Variants in ADAMTS9 observed in about 807,000 individuals in gnomAD.
ADAMTS9 encodes ADAM metallopeptidase with thrombospondin type 1 motif 9.
Under a neutral mutation model 257.1 loss-of-function variants are expected in ADAMTS9, and 107 were observed. The observed-to-expected ratio is 0.42, with a 90% CI of 0.36 to 0.49. ADAMTS9 has a LOEUF of 0.49. Among genes scored for constraint, ADAMTS9 ranks in the 20% least tolerant of loss-of-function variants. The pLI is 0.03. For missense variants in ADAMTS9, 2,353 were observed against 2,469.1 expected, an observed-to-expected ratio of 0.95 and a Z score of 1.00; for synonymous variants, 982 against 880.9, an observed-to-expected ratio of 1.11 and a Z score of -2.03.
Position 64,654,353 on chromosome 3 carries a change from A to G in ADAMTS9, c.1316T>C (p.Val439Ala), listed in dbSNP as rs1407675899. 4 of 1,612,598 alleles carry G rather than the reference A, an allele frequency of 2.5e-6. No individual in the cohort carries two copies. The Admixed American group carries it at 6.7e-5, about 27-fold the overall frequency. Residue 439 changes from valine to alanine, a missense_variant and splice_region_variant, in exon 8 of 40, where the codon GTG (valine) becomes GCG (alanine). By Grantham distance (64) the Val-to-Ala change is moderately conservative. This residue lies in a region of ADAMTS9 where 591 missense variants were observed against 569.6 expected (regional missense o/e 1.04). Transcript: ENST00000498707. ...ATGAAATTACTGAAAGGTAACTCACACATGGCCCAGCTCATGGGCGATCGT... is the reference window on the plus strand; with the variant it reads ...ATGAAATTACTGAAAGGTAACTCACGCATGGCCCAGCTCATGGGCGATCGT... The part of the protein sequence containing the change: ...AFTIAHELGH[V>A]FNMPHDDNNK...
At chr3:64,589,668 C>A (rs910414151) in intron 28 of ADAMTS9, 1 of 152,170 alleles carries the variant, frequency 6.6e-6, no homozygotes, top group African/African-American at 2.4e-5. Context: ...ACCCTCCTTA[C>A]CTTGGTCCTT....
intron 23 of ADAMTS9, among the ~76,000 whole-genome samples, chr3:64,604,723 AT>A (rs2084527875): frequency 6.6e-6 from 1 of 152,186 alleles, no homozygotes; most frequent in Non-Finnish European, 1.5e-5. Flanking sequence ...ATTTCAATTA[AT>A]TTCTTAATCA....
intron 30 of ADAMTS9, among the ~76,000 whole-genome samples, chr3:64,553,763 T>C (rs1034677258): frequency 6.6e-6 from 1 of 152,118 alleles, no homozygotes; most frequent in Admixed American, 6.5e-5. Context: ...AGCATAAACA[T>C]AACTTGAAAC....
At chr3:64,663,843 T>A (rs140231545) in intron 3 of ADAMTS9, among the ~76,000 whole-genome samples, 2,070 of 152,272 alleles carry the variant, frequency 0.014, 48 homozygotes, top group African/African-American at 0.047. Flanking sequence ...TCCTAATGAG[T>A]TAGAATGATA....
At chr3:64,677,946 G>T (rs1016261860) in intron 3 of ADAMTS9, among the ~76,000 whole-genome samples, 1 of 152,162 alleles carries the variant, frequency 6.6e-6, no homozygotes, top group African/African-American at 2.4e-5. Flanking sequence ...CTCCTTCTAT[G>T]CTTCCCTTTT....
chr3:64,586,890 T>C (rs1639791925), intron 28 of ADAMTS9: 1 of 152,134 alleles, frequency 6.6e-6, no homozygotes, highest in Admixed American at 6.6e-5. Context: ...TTCCTGAAAC[T>C]TTTCCTTCAA....
intron 37 of ADAMTS9, 106 bp downstream of exon 37, chr3:64,539,097 A>T: frequency 8.5e-7 from 1 of 1,174,838 alleles, no homozygotes; most frequent in Non-Finnish European, 1.3e-6. Context: ...ACTGCCCTCT[A>T]GAGCAACTGT....
chr3:64,647,796 C>T, intron 11 of ADAMTS9, 144 bp downstream of exon 11: 1 of 594,752 alleles, frequency 1.7e-6, no homozygotes, highest in Non-Finnish European at 2.7e-6. Flanking sequence ...TGTCTAACTT[C>T]TAAACATCTG....
intron 28 of ADAMTS9, chr3:64,588,077 C>G (rs1376031247): frequency 6.6e-6 from 1 of 152,094 alleles, no homozygotes; most frequent in East Asian, 1.9e-4. Flanking sequence ...AGTTCTGTGC[C>G]ATCAGCCAGG....
At chr3:64,565,057 A>G (rs2083508531) in intron 29 of ADAMTS9, among the ~76,000 whole-genome samples, 1 of 152,202 alleles carries the variant, frequency 6.6e-6, no homozygotes, top group African/African-American at 2.4e-5. Flanking sequence ...CTGTCTTCAA[A>G]CAATTCAATA....
chr3:64,639,962 T>A (rs544800918), intron 12 of ADAMTS9, among the ~76,000 whole-genome samples: 11 of 152,306 alleles, frequency 7.2e-5, no homozygotes, highest in African/African-American at 2.6e-4. Flanking sequence ...TTATTTCTCA[T>A]GGGGAGTAGG....
At chr3:64,619,488 G>A (rs1700052913) in intron 19 of ADAMTS9, among the ~76,000 whole-genome samples, 1 of 152,132 alleles carries the variant, frequency 6.6e-6, no homozygotes, top group Non-Finnish European at 1.5e-5. Context: ...GTGTGAGCTT[G>A]TGCAATTTGT....
chr3:64,533,403 T>C, intron 37 of ADAMTS9, 133 bp from the exon 38 acceptor site: 2 of 688,820 alleles, frequency 2.9e-6, no homozygotes, highest in South Asian at 1.9e-5. Context: ...CTACTAATTA[T>C]TGATAGTATT....
intron 28 of ADAMTS9, among the ~76,000 whole-genome samples, chr3:64,578,738 A>G (rs72887285): frequency 0.014 from 2,117 of 152,252 alleles, 45 homozygotes; most frequent in African/African-American, 0.049. Flanking sequence ...TGGCAACTCC[A>G]TCCTTTCACT....
chr3:64,535,523 C>G (rs920997536), intron 37 of ADAMTS9, among the ~76,000 whole-genome samples: 2 of 150,302 alleles, frequency 1.3e-5, no homozygotes, highest in Admixed American at 1.3e-4. Context: ...TTGCATTATT[C>G]CATTGGCCAT....
chr3:64,552,714 C>T (rs72885570), intron 30 of ADAMTS9, among the ~76,000 whole-genome samples: 13,099 of 152,004 alleles, frequency 0.086, 1,376 homozygotes, highest in Admixed American at 0.27. Flanking sequence ...TGAGCCACCA[C>T]GCTCAGCTTA....
intron 12 of ADAMTS9, 127 bp downstream of exon 12, chr3:64,641,720 GC>G (rs1295212595): frequency 1.6e-6 from 2 of 1,239,672 alleles, no homozygotes; most frequent in Non-Finnish European, 2.3e-6. Flanking sequence ...GGTCTAAGCA[GC>G]CCTTGAAGTT....
chr3:64,529,531 A>C (rs993436272), intron 38 of ADAMTS9, among the ~76,000 whole-genome samples: 5 of 152,208 alleles, frequency 3.3e-5, no homozygotes, highest in African/African-American at 1.2e-4. Flanking sequence ...ATAACTGGCC[A>C]GGGTCTGAGC....
chr3:64,687,819 C>A lies in ADAMTS9; in HGVS notation c.-162G>T. The A allele has an allele frequency of 1.9e-6, 1 of 519,832 alleles. No homozygotes were observed. Among genetic ancestry groups the A allele is most frequent in the South Asian group, 3.1e-5 (1 of 32,070 alleles). The allele number at this position is 519,832 out of a possible 1,614,324, so 32.2% of individuals were successfully genotyped here. A position where few individuals can be genotyped will look rare whatever the true frequency, so the allele number is the denominator to read the frequency against. ...CGCTGAGGTCTCGCTGCGAGGGTCC[C>A]GTCTGCGCTCGGCTGAGCAACGCCG... is the stretch of plus-strand genomic sequence containing the variant. On this transcript the variant is annotated 5_prime_UTR_variant, in exon 1 of 40. Transcript: ENST00000498707. The surrounding 1 kb of genome is among the most constrained non-coding windows in gnomAD (Gnocchi z 4.4).
Sources: allele counts gnomAD v4.1 joint callset (sites outside exome capture counted in the v4.1 genomes callset), GRCh38; gene constraint gnomAD v4.1.1; regional missense constraint gnomAD v4.1.1; non-coding constraint Gnocchi (gnomAD v3.1); transcripts MANE v1.5; gene names NCBI Gene and HGNC (gene_info 2026-07-23, HGNC 2026-07-21).